The following FSTL5 variants were observed in gnomAD, a reference collection of about 807,000 sequenced individuals.
FSTL5 encodes follistatin like 5.
Under a neutral mutation model 89.1 loss-of-function variants are expected in FSTL5, and 62 were observed. The observed-to-expected ratio is 0.70, with a 90% confidence interval of 0.57 to 0.86. The LOEUF is 0.86. Ranked by LOEUF, FSTL5 falls within the 40% of genes least tolerant of loss-of-function variation. The probability of loss-of-function intolerance (pLI) is 0.00; values close to 1 mark genes in which losing one functional copy is unlikely to be tolerated. For missense variants in FSTL5, 1,057 were observed against 1,001.6 expected, an observed-to-expected ratio of 1.06 and a Z score of -0.75; for synonymous variants, 383 against 346.2, an observed-to-expected ratio of 1.11 and a Z score of -1.18.
At chr4:161,887,784 A>G (rs6819922) in intron 4 of FSTL5, among the ~76,000 whole-genome samples, 125,175 of 152,054 alleles carry the variant, frequency 0.82, 52,407 homozygotes, top group Non-Finnish European at 0.9. Context: ...TCTTAAGTCT[A>G]AGGAACTACA....
At chr4:161,534,137 A>C (rs1326054732) in intron 10 of FSTL5, among the ~76,000 whole-genome samples, 2 of 152,158 alleles carry the variant, frequency 1.3e-5, no homozygotes, top group Non-Finnish European at 2.9e-5. Context: ...TGAATGCGCA[A>C]AAGCTGGAAG....
intron 4 of FSTL5, among the ~76,000 whole-genome samples, chr4:161,846,258 A>G (rs1286900331): frequency 1.3e-5 from 2 of 152,132 alleles, no homozygotes; most frequent in East Asian, 1.9e-4. Context: ...ACATATTTGT[A>G]TTTTCATAGT....
chr4:161,570,212 G>GAGCA (rs1413656794), intron 8 of FSTL5, among the ~76,000 whole-genome samples: 2 of 152,170 alleles, frequency 1.3e-5, no homozygotes, highest in African/African-American at 4.8e-5. Context: ...AGTGAGTGAA[G>GAGCA]AGCAGGTGGG....
At chr4:161,482,238 T>A (rs1330500236) in intron 12 of FSTL5, among the ~76,000 whole-genome samples, 1 of 151,870 alleles carries the variant, frequency 6.6e-6, no homozygotes, top group African/African-American at 2.4e-5. Flanking sequence ...ATGGTGTGAA[T>A]CCAGGAGGCA....
chr4:161,442,816 A>T (rs186457249), intron 15 of FSTL5, among the ~76,000 whole-genome samples: 3 of 152,154 alleles, frequency 2.0e-5, no homozygotes, highest in Admixed American at 1.3e-4. Flanking sequence ...GATAATATGC[A>T]TGCTTTAGAA....
At chr4:161,576,574 G>A (rs187726176) in intron 8 of FSTL5, among the ~76,000 whole-genome samples, 5 of 152,158 alleles carry the variant, frequency 3.3e-5, no homozygotes, top group African/African-American at 1.2e-4. Flanking sequence ...ACTGGGAAAT[G>A]ATTCCCTATT....
intron 1 of FSTL5, among the ~76,000 whole-genome samples, chr4:162,157,154 T>C (rs1733507417): frequency 6.6e-6 from 1 of 151,902 alleles, no homozygotes. Context: ...AAGAGAAAAA[T>C]AGAGAATAGG....
chr4:161,837,724 C>T (rs925351420), intron 4 of FSTL5, among the ~76,000 whole-genome samples: 1 of 151,968 alleles, frequency 6.6e-6, no homozygotes, highest in Non-Finnish European at 1.5e-5. Context: ...TAAATAAAAA[C>T]AAAATGCTTT....
At chr4:161,973,326 T>A (rs1456878702) in intron 3 of FSTL5, among the ~76,000 whole-genome samples, 1 of 152,216 alleles carries the variant, frequency 6.6e-6, no homozygotes, top group Non-Finnish European at 1.5e-5. Context: ...GATAGCTCCA[T>A]TCTGTTAAAT....
rs748473409 is a variant in FSTL5, at chr4:161,386,200, T to C, written c.2091A>G (p.Pro697=). The part of the protein sequence containing the change: ...IGFNSDVTGT[P]YVSPDGHYLV... ...GGTAGTGGCCATCTGGAGAGACATA[T>C]GGAGTGCCCGTCACATCACTATTGA... The change falls in exon 16 of 16, where the codon CCA becomes CCG. Residue 697 remains proline, a synonymous_variant. Transcript: ENST00000306100. 3.1e-6 allele frequency: 5 copies of C among 1,613,888 alleles called. No homozygotes were observed. The highest frequency in any genetic ancestry group is 4.5e-5 in the East Asian group (2 of 44,868).
At chr4:162,141,878 A>C (rs550909294) in intron 1 of FSTL5, among the ~76,000 whole-genome samples, 4 of 146,934 alleles carry the variant, frequency 2.7e-5, no homozygotes, top group South Asian at 2.1e-4. Context: ...GGTAGAAAGA[A>C]GTGTACACAG....
intron 3 of FSTL5, among the ~76,000 whole-genome samples, chr4:161,943,741 G>A (rs1480071270): frequency 2.0e-5 from 3 of 151,454 alleles, no homozygotes; most frequent in East Asian, 3.9e-4. Context: ...ATTTTTAGTA[G>A]AGATGGGGTT....
At chr4:161,610,408 G>A (rs1372019987) in intron 7 of FSTL5, among the ~76,000 whole-genome samples, 1 of 152,108 alleles carries the variant, frequency 6.6e-6, no homozygotes, top group Non-Finnish European at 1.5e-5. Flanking sequence ...CAATTATATC[G>A]CTTTTTCATT....
intron 10 of FSTL5, among the ~76,000 whole-genome samples, chr4:161,536,717 G>C (rs935591490): frequency 6.6e-6 from 1 of 152,128 alleles, no homozygotes; most frequent in African/African-American, 2.4e-5. Flanking sequence ...AAGGTTGTAT[G>C]ATTTGTTGAC....
chr4:162,006,969 C>T (rs1468739113), intron 3 of FSTL5, among the ~76,000 whole-genome samples: 1 of 151,758 alleles, frequency 6.6e-6, no homozygotes, highest in African/African-American at 2.4e-5. Context: ...GCTAACGTTC[C>T]ATGTTAGTCC....
chr4:162,121,932 T>A (rs557406337), intron 1 of FSTL5, among the ~76,000 whole-genome samples: 1 of 152,178 alleles, frequency 6.6e-6, no homozygotes, highest in African/African-American at 2.4e-5. Context: ...TTTTCTTCCT[T>A]ATGGTTTTCT....
intron 6 of FSTL5, among the ~76,000 whole-genome samples, chr4:161,696,722 G>A (rs1738184458): frequency 6.6e-6 from 1 of 152,062 alleles, no homozygotes; most frequent in Non-Finnish European, 1.5e-5. Context: ...TTGTAAAAGG[G>A]GGTTGAGCTC....
intron 15 of FSTL5, among the ~76,000 whole-genome samples, chr4:161,392,975 C>A (rs1395108614): frequency 6.6e-6 from 1 of 151,968 alleles, no homozygotes; most frequent in Non-Finnish European, 1.5e-5. Flanking sequence ...ACCAGCCTGG[C>A]CAACATGACA....
intron 2 of FSTL5, among the ~76,000 whole-genome samples, chr4:162,075,679 T>C (rs1729809463): frequency 6.6e-6 from 1 of 151,900 alleles, no homozygotes; most frequent in Non-Finnish European, 1.5e-5. Flanking sequence ...AATGACTCTA[T>C]TACTAATAGT....
Sources: gnomAD v4.1 joint callset for allele counts (sites outside exome capture counted in the v4.1 genomes callset) on GRCh38, gnomAD v4.1.1 for gene constraint, MANE v1.5 for transcripts, NCBI Gene and HGNC (gene_info 2026-07-23, HGNC 2026-07-21) for gene names.